Variants in ZFHX3 observed in about 807,000 individuals in gnomAD.
ZFHX3 encodes the protein zinc finger homeobox protein 3.
In ZFHX3, 42 loss-of-function variants were observed where a neutral mutation model predicts 279.1. The ratio of observed to expected loss-of-function variants is 0.15; its 90% CI spans 0.12 to 0.19. ZFHX3 has a LOEUF of 0.19. Among genes scored for constraint, ZFHX3 ranks in the 10% least tolerant of loss-of-function variants. The pLI, the probability that ZFHX3 is intolerant of heterozygous loss-of-function variation, is 1.00. For missense variants in ZFHX3, 4,981 were observed against 4,754.0 expected (o/e 1.05, Z -1.40); for synonymous variants, 2,293 against 1,957.8 (o/e 1.17, Z -4.52).
intron 8 of ZFHX3, among the ~76,000 whole-genome samples, chr16:73,087,652 C>T (rs910154355): frequency 1.3e-5 from 2 of 152,084 alleles, no homozygotes; most frequent in African/African-American, 2.4e-5. Context: ...ATTTGTGCAT[C>T]TTTTTTCATG....
At chr16:73,080,555 C>G (rs918249484) in intron 8 of ZFHX3, among the ~76,000 whole-genome samples, 2 of 152,116 alleles carry the variant, frequency 1.3e-5, no homozygotes, top group Admixed American at 1.3e-4. Flanking sequence ...ACATTTTAAA[C>G]ATTTATGCCA....
intron 3 of ZFHX3, among the ~76,000 whole-genome samples, chr16:73,351,712 G>A (rs1567458139): frequency 6.6e-6 from 1 of 152,302 alleles, no homozygotes; most frequent in Admixed American, 6.5e-5. Flanking sequence ...ACGCTTCAAT[G>A]TTTAACCTCT....
chr16:73,120,792 C>A (rs1966489644), intron 7 of ZFHX3, among the ~76,000 whole-genome samples: 1 of 151,674 alleles, frequency 6.6e-6, no homozygotes, highest in South Asian at 2.1e-4. Flanking sequence ...GTAGCTGGGA[C>A]CACAGGTGTG....
intron 1 of ZFHX3, among the ~76,000 whole-genome samples, chr16:73,848,071 T>C (rs1328852876): frequency 6.6e-6 from 1 of 151,890 alleles, no homozygotes; most frequent in Non-Finnish European, 1.5e-5. Context: ...TATTTATTAG[T>C]AGTAGTATTA....
At chr16:73,204,544 T>C (rs2011727768) in intron 5 of ZFHX3, among the ~76,000 whole-genome samples, 1 of 152,060 alleles carries the variant, frequency 6.6e-6, no homozygotes, top group South Asian at 2.1e-4. Context: ...GTAATGCGAG[T>C]GACGGGGAAT....
intron 2 of ZFHX3, among the ~76,000 whole-genome samples, chr16:73,594,602 A>G (rs2052029773): frequency 6.6e-6 from 1 of 152,198 alleles, no homozygotes. Flanking sequence ...GAAACAGAAT[A>G]GAGTCTAGAG....
At chr16:73,353,677 A>T (rs1372058305) in intron 3 of ZFHX3, among the ~76,000 whole-genome samples, 1 of 152,168 alleles carries the variant, frequency 6.6e-6, no homozygotes. Flanking sequence ...GAGATGCTGC[A>T]GTTTACAAAA....
intron 5 of ZFHX3, among the ~76,000 whole-genome samples, chr16:73,188,297 C>T (rs569611735): frequency 1.6e-4 from 24 of 152,000 alleles, no homozygotes; most frequent in African/African-American, 5.3e-4. Flanking sequence ...TGGGCTGCAG[C>T]GATCCTCCGG....
At chr16:73,868,063 G>A (rs1962073752) in intron 1 of ZFHX3, among the ~76,000 whole-genome samples, 1 of 152,156 alleles carries the variant, frequency 6.6e-6, no homozygotes, top group Admixed American at 6.5e-5. Context: ...TGGTCTTCTT[G>A]TCTCTGGTTG....
intron 4 of ZFHX3, among the ~76,000 whole-genome samples, chr16:72,857,416 G>GT (rs1159517691): frequency 6.6e-6 from 1 of 152,270 alleles, no homozygotes; most frequent in African/African-American, 2.4e-5. Flanking sequence ...GCTGAGTGTG[G>GT]TGGCTCATGC....
intron 3 of ZFHX3, among the ~76,000 whole-genome samples, chr16:73,363,655 CTTAA>C (rs1427373946): frequency 6.6e-6 from 1 of 151,926 alleles, no homozygotes; most frequent in African/African-American, 2.4e-5. Flanking sequence ...ATGCAATATT[CTTAA>C]TTAATGGGGC....
intron 2 of ZFHX3, among the ~76,000 whole-genome samples, chr16:73,634,430 T>C (rs1470709177): frequency 1.4e-3 from 16 of 11,594 alleles, no homozygotes; most frequent in Admixed American, 3.9e-3. Flanking sequence ...AGTTATTATG[T>C]ATAATATATA....
Position 72,783,116 on chromosome 16 carries a change from C to CAAGA in ZFHX3, c.*4044_*4047dup, listed in dbSNP as rs1050563282. 2 of 152,456 alleles carry CAAGA rather than the reference C, an allele frequency of 1.3e-5. No individual in the cohort carries two copies. Among genetic ancestry groups the CAAGA allele is most frequent in the African/African-American group, 4.8e-5 (2 of 41,384 alleles). The allele number at this position is 152,456 out of a possible 1,614,324, so 9.4% of individuals were successfully genotyped here. A position where few individuals can be genotyped will look rare whatever the true frequency, so the allele number is the denominator to read the frequency against. On this transcript the variant is annotated 3_prime_UTR_variant, in exon 10 of 10. Coordinates refer to ENST00000268489, the MANE Select transcript of ZFHX3 (RefSeq NM_006885.4). ...ATTGTTACAGTAACAAAAAAGCTAA[C>CAAGA]AAGACTACATTATAGAAAAACACCA...
In ZFHX3 at chr16:72,960,191, G is replaced by C. The variant is rs770387236; in HGVS notation, c.-46C>G. The stretch of plus-strand genomic sequence containing the variant: ...TTCATTGCACCCAGTACGGAGGCTC[G>C]GACCTGAAGGGCAGAGGCAAGGGGG... On this transcript the variant is annotated 5_prime_UTR_variant, in exon 2 of 10. Coordinates refer to ENST00000268489, the MANE Select transcript of ZFHX3 (RefSeq NM_006885.4). 4 of 1,495,850 alleles carry C rather than the reference G, an allele frequency of 2.7e-6. No homozygotes were observed. The highest frequency in any genetic ancestry group is 8.9e-7 in the Non-Finnish European group (1 of 1,121,026). 92.7% of individuals were successfully genotyped at this position (1,495,850 alleles called of 1,614,324 possible). A position where few individuals can be genotyped will look rare whatever the true frequency, so the allele number is the denominator to read the frequency against.
chr16:73,409,572 G>T (rs1481209800), intron 3 of ZFHX3, among the ~76,000 whole-genome samples: 2 of 152,142 alleles, frequency 1.3e-5, no homozygotes, highest in Non-Finnish European at 2.9e-5. Flanking sequence ...TCTTCAAAAC[G>T]CGAAAAATAG....
intron 3 of ZFHX3, among the ~76,000 whole-genome samples, chr16:73,333,276 CATAG>C (rs894686892): frequency 2.0e-5 from 3 of 151,864 alleles, no homozygotes; most frequent in Non-Finnish European, 2.9e-5. Context: ...AATACAGTTA[CATAG>C]ATAGACACGT....
intron 2 of ZFHX3, among the ~76,000 whole-genome samples, chr16:73,543,177 T>C (rs1043987304): frequency 2.1e-4 from 32 of 152,206 alleles, no homozygotes; most frequent in Non-Finnish European, 2.9e-5. Flanking sequence ...TATGACTTCA[T>C]TAGAATATTT....
At chr16:73,286,629 G>A (rs2014606323) in intron 4 of ZFHX3, among the ~76,000 whole-genome samples, 2 of 151,244 alleles carry the variant, frequency 1.3e-5, no homozygotes, top group African/African-American at 4.9e-5. Flanking sequence ...GTGTGGGTCT[G>A]TGTGTAGCTG....
chr16:73,687,832 G>A (rs1429226907), intron 1 of ZFHX3, among the ~76,000 whole-genome samples: 1 of 115,954 alleles, frequency 8.6e-6, no homozygotes, highest in Non-Finnish European at 1.6e-5. Flanking sequence ...TGGTGACAGA[G>A]CAAGACTCTG....
Sources: allele counts gnomAD v4.1 joint callset (sites outside exome capture counted in the v4.1 genomes callset), GRCh38; gene constraint gnomAD v4.1.1; transcripts MANE v1.5; gene names NCBI Gene and HGNC (gene_info 2026-07-23, HGNC 2026-07-21).